KIAA1549L: variants seen among roughly 807,000 people sequenced by gnomAD.
KIAA1549L encodes the protein KIAA1549 like, also known as UPF0606 protein KIAA1549L.
A neutral mutation model predicts 160.7 loss-of-function variants in KIAA1549L; 88 were observed. The ratio of observed to expected loss-of-function variants is 0.55; its 90% CI spans 0.46 to 0.65. The LOEUF is 0.65. Ranked by LOEUF, KIAA1549L falls within the 30% of genes least tolerant of loss-of-function variation. The pLI, the probability that KIAA1549L is intolerant of heterozygous loss-of-function variation, is 0.00. For synonymous variants in KIAA1549L, 950 were observed against 976.7 expected (o/e 0.97, Z 0.51); for missense variants, 2,258 against 2,437.5 (o/e 0.93, Z 1.55).
intron 13 of KIAA1549L, chr11:33,599,228 T>G: frequency 5.0e-6 from 1 of 199,196 alleles, no homozygotes; most frequent in East Asian, 1.1e-4. Context: ...TGATGTTTGC[T>G]TAGAGGTTTT....
chr11:33,480,068 G>A (rs111407771), intron 1 of KIAA1549L, among the ~76,000 whole-genome samples: 26 of 151,852 alleles, frequency 1.7e-4, no homozygotes, highest in African/African-American at 4.4e-4. Context: ...GTGTGTGCAC[G>A]CGTGCTTAAA....
Position 33,671,269 on chromosome 11 carries a change from CAGG to C in KIAA1549L, c.*3116_*3118del, listed in dbSNP as rs1379669579. 1.3e-5 allele frequency: 2 copies of C among 152,324 alleles called. No individual in the cohort carries two copies. The highest frequency in any genetic ancestry group is 2.9e-5 in the Non-Finnish European group (2 of 68,052). 9.4% of individuals were successfully genotyped at this position (152,324 alleles called of 1,614,324 possible). A position where few individuals can be genotyped will look rare whatever the true frequency, so the allele number is the denominator to read the frequency against. On this transcript the variant is annotated 3_prime_UTR_variant, in exon 21 of 21. Transcript: ENST00000658780. ...CCTGTCTCAGCACCAAGGATCCCAA[CAGG>C]CAGGCAGGGAGGCCCTTGACTTTGT...
intron 1 of KIAA1549L, among the ~76,000 whole-genome samples, chr11:33,534,225 G>A (rs1206980287): frequency 4.6e-5 from 7 of 152,080 alleles, no homozygotes; most frequent in Admixed American, 4.6e-4. Flanking sequence ...TGGGATTACA[G>A]GTTCCCACCA....
chr11:33,444,626 G>C (rs533895986), intron 1 of KIAA1549L, among the ~76,000 whole-genome samples: 16 of 152,184 alleles, frequency 1.1e-4, no homozygotes, highest in Non-Finnish European at 2.1e-4. Flanking sequence ...CATTAAAGAT[G>C]AACTGTCCTT....
rs2133268145 is a variant in KIAA1549L, at chr11:33,583,334, A to G, written c.4403-4A>G. 1.2e-6 allele frequency: 2 copies of G among 1,600,308 alleles called. No individual in the cohort carries two copies. The highest frequency in any genetic ancestry group is 4.5e-5 in the East Asian group (2 of 44,290). ...ATGTCCCTCCTGCTGGCTCTTTCCC[A>G]CAGCCGTGGTGAAGAACCCGCCCAA... On this transcript the variant is annotated splice_polypyrimidine_tract_variant and splice_region_variant and intron_variant, in intron 10 of 20. Transcript: ENST00000658780.
rs906736341 is a variant in KIAA1549L, at chr11:33,499,041, G to T, written c.239-42761G>T. 8.3e-4 allele frequency among the ~76,000 whole-genome samples: 126 copies of T among 151,934 alleles called. 1 individual carries two copies. The highest frequency in any genetic ancestry group is 2.9e-3 in the African/African-American group (120 of 41,312). On this transcript the variant is annotated intron_variant, in intron 1 of 20. Transcript: ENST00000658780. ...AACATGAATATGTAGAGCCTTTTGT[G>T]CTCAGTTTTTTTTTTTCTGAACCAT...
intron 17 of KIAA1549L, among the ~76,000 whole-genome samples, chr11:33,650,742 G>A (rs540147248): frequency 1.3e-5 from 2 of 152,164 alleles, no homozygotes; most frequent in South Asian, 2.1e-4. Flanking sequence ...TCAAGCACAC[G>A]TGCACACACA....
At chr11:33,437,573 C>T (rs1851406284) in intron 1 of KIAA1549L, among the ~76,000 whole-genome samples, 1 of 152,184 alleles carries the variant, frequency 6.6e-6, no homozygotes. Flanking sequence ...CACTTTGTAC[C>T]TTACAGGATG....
At chr11:33,605,149 G>A (rs1260750533) in intron 13 of KIAA1549L, among the ~76,000 whole-genome samples, 2 of 139,210 alleles carry the variant, frequency 1.4e-5, no homozygotes, top group African/African-American at 5.6e-5. Flanking sequence ...GAAGTCATGA[G>A]TTTTTGTTTT....
At chr11:33,455,569 A>C (rs1478117323) in intron 1 of KIAA1549L, among the ~76,000 whole-genome samples, 4 of 152,196 alleles carry the variant, frequency 2.6e-5, no homozygotes, top group Non-Finnish European at 5.9e-5. Context: ...TTAACTCCAC[A>C]GTGGAATTCC....
intron 1 of KIAA1549L, among the ~76,000 whole-genome samples, chr11:33,427,425 C>T (rs2134114464): frequency 6.6e-6 from 1 of 152,258 alleles, no homozygotes; most frequent in Non-Finnish European, 1.5e-5. Context: ...GCTCCTCTCC[C>T]ATCATAGATA....
At chr11:33,630,407 G>A (rs945217589) in intron 16 of KIAA1549L, among the ~76,000 whole-genome samples, 2 of 152,262 alleles carry the variant, frequency 1.3e-5, no homozygotes, top group African/African-American at 4.8e-5. Context: ...TTTGATCTCA[G>A]ACTGCTGTGC....
intron 1 of KIAA1549L, among the ~76,000 whole-genome samples, chr11:33,379,789 G>A (rs1158375891): frequency 6.6e-6 from 1 of 152,228 alleles, no homozygotes; most frequent in Non-Finnish European, 1.5e-5. Flanking sequence ...TTCAAACAGT[G>A]CTTGGTATAC....
At chr11:33,606,869 G>A (rs1850520526) in intron 14 of KIAA1549L, 47 bp downstream of exon 14, 1 of 1,496,336 alleles carries the variant, frequency 6.7e-7, no homozygotes. Flanking sequence ...GCCAGACTTG[G>A]GAAATTCGGA....
At chr11:33,558,948 C>T (rs1483351593) in intron 6 of KIAA1549L, among the ~76,000 whole-genome samples, 1 of 151,502 alleles carries the variant, frequency 6.6e-6, no homozygotes, top group African/African-American at 2.4e-5. Context: ...ATTCTCCTGT[C>T]TCAGCCTTCT....
At chr11:33,458,585 G>A (rs886544173) in intron 1 of KIAA1549L, among the ~76,000 whole-genome samples, 1 of 152,204 alleles carries the variant, frequency 6.6e-6, no homozygotes, top group South Asian at 2.1e-4. Flanking sequence ...GTCAAAGCTG[G>A]CCTGTCTTAC....
chr11:33,413,588 A>G (rs1850827552), intron 1 of KIAA1549L, among the ~76,000 whole-genome samples: 1 of 152,110 alleles, frequency 6.6e-6, no homozygotes, highest in South Asian at 2.1e-4. Flanking sequence ...CGATATCTCA[A>G]TGTTTAAAAC....
intron 1 of KIAA1549L, among the ~76,000 whole-genome samples, chr11:33,465,154 C>G (rs1852028895): frequency 6.7e-6 from 1 of 148,506 alleles, no homozygotes; most frequent in Non-Finnish European, 1.5e-5. Flanking sequence ...CTCCCAGGCT[C>G]AAGTGATTCT....
rs183109068 is a variant in KIAA1549L at position 33,512,973 on chromosome 11, A to G, written c.239-28829A>G. 6.6e-5 allele frequency among the ~76,000 whole-genome samples: 10 copies of G among 152,268 alleles called. No homozygotes were observed. In the East Asian group the frequency reaches 1.4e-3, roughly 21 times the overall value. ...GAGAGAAAAATTGCACAGGGTTGAG[A>G]AATCTGAGAGCCTGTAACCTTTGGC... On this transcript the variant is annotated intron_variant, in intron 1 of 20. Transcript: ENST00000658780.
Sources: gnomAD v4.1 joint callset for allele counts (sites outside exome capture counted in the v4.1 genomes callset) on GRCh38, gnomAD v4.1.1 for gene constraint, MANE v1.5 for transcripts, NCBI Gene and HGNC (gene_info 2026-07-23, HGNC 2026-07-21) for gene names.